The following PKNOX2 variants were observed in gnomAD, a reference collection of about 807,000 sequenced individuals.
PKNOX2 encodes PBX/knotted 1 homeobox 2.
A neutral mutation model predicts 53.1 loss-of-function variants in PKNOX2; 14 were observed. That is an observed-to-expected ratio of 0.26 (90% CI 0.17 to 0.41). The LOEUF (loss-of-function observed/expected upper bound fraction) is 0.41, where lower values mean the gene tolerates loss of function less well. Ranked by LOEUF, PKNOX2 falls within the 10% of genes least tolerant of loss-of-function variation. The pLI, the probability that PKNOX2 is intolerant of heterozygous loss-of-function variation, is 1.00. For missense variants in PKNOX2, 496 were observed against 602.8 expected, an observed-to-expected ratio of 0.82 and a Z score of 1.85; for synonymous variants, 257 against 242.8, an observed-to-expected ratio of 1.06 and a Z score of -0.54.
chr11:125,362,734 A>G (rs778970743), intron 4 of PKNOX2, among the ~76,000 whole-genome samples: 4 of 152,172 alleles, frequency 2.6e-5, no homozygotes, highest in Non-Finnish European at 4.4e-5. Flanking sequence ...TTGGAAAAAG[A>G]TGGTGCTTAA....
At chr11:125,242,653 G>C (rs1448346598) in intron 2 of PKNOX2, among the ~76,000 whole-genome samples, 1 of 152,140 alleles carries the variant, frequency 6.6e-6, no homozygotes, top group Non-Finnish European at 1.5e-5. Context: ...TGTGCAATGC[G>C]GGGCAGGGAT....
At chr11:125,340,924 C>A (rs1472527378) in intron 3 of PKNOX2, among the ~76,000 whole-genome samples, 28 of 151,792 alleles carry the variant, frequency 1.8e-4, no homozygotes. Flanking sequence ...GTGGCAGGCA[C>A]CTGTAGTCCC....
intron 12 of PKNOX2, among the ~76,000 whole-genome samples, chr11:125,430,758 G>GGA (rs1555176102): frequency 6.7e-6 from 1 of 149,518 alleles, no homozygotes; most frequent in African/African-American, 2.5e-5. Flanking sequence ...GTTATGATGG[G>GGA]AAAAAAAAAA....
rs117135987 is a variant in PKNOX2, at chr11:125,267,276, C to T, written c.-130+32161C>T. ...GCTCATGTGTGTGTTCCCGTACCCA[C>T]GTGGATCTAAGTCCTGTCCCGGGAT... On this transcript the variant is annotated intron_variant, in intron 2 of 12. Transcript: ENST00000298282. Among the ~76,000 whole-genome samples the T allele has an allele frequency of 2.5e-3, 383 of 152,294 alleles. 2 individuals carry two copies. The highest frequency in any genetic ancestry group is 7.3e-3 in the South Asian group (35 of 4,826).
In PKNOX2 at chr11:125,422,287, C is replaced by A. The variant is rs1311861553; in HGVS notation, c.937-6725C>A. On this transcript the variant is annotated intron_variant, in intron 10 of 12. Coordinates refer to ENST00000298282, the MANE Select transcript of PKNOX2 (RefSeq NM_001382323.2). The surrounding 1 kb of genome is among the most constrained non-coding windows in gnomAD (Gnocchi z 4.1). ...CTGTTCAGGCATCTGTGCCTGAAGGCCTTTAGTGTACGGCTACCAGGAGGA... is the reference window on the plus strand; with the variant it reads ...CTGTTCAGGCATCTGTGCCTGAAGGACTTTAGTGTACGGCTACCAGGAGGA... 6.6e-6 allele frequency among the ~76,000 whole-genome samples: 1 copy of A among 152,066 alleles called. No homozygotes were observed. The highest frequency in any genetic ancestry group is 2.4e-5 in the African/African-American group (1 of 41,376).
intron 4 of PKNOX2, among the ~76,000 whole-genome samples, chr11:125,359,721 G>A (rs539731959): frequency 1.6e-4 from 25 of 152,194 alleles, no homozygotes; most frequent in Middle Eastern, 3.4e-3. Context: ...TGCCGGGCCC[G>A]CCTGAAGCCT....
intron 1 of PKNOX2, among the ~76,000 whole-genome samples, chr11:125,191,716 T>G (rs1446582895): frequency 6.6e-6 from 1 of 152,112 alleles, no homozygotes; most frequent in Non-Finnish European, 1.5e-5. Context: ...GAGGGCTGGA[T>G]GAGGACATTG....
chr11:125,320,929 A>G (rs143465169), intron 2 of PKNOX2, among the ~76,000 whole-genome samples: 15 of 152,274 alleles, frequency 9.9e-5, no homozygotes, highest in South Asian at 6.2e-4. Context: ...GTAATTAGTC[A>G]TTGTGCTCTC....
At chr11:125,381,966 A>G (rs1338500227) in intron 5 of PKNOX2, among the ~76,000 whole-genome samples, 3 of 152,196 alleles carry the variant, frequency 2.0e-5, no homozygotes, top group African/African-American at 7.2e-5. Context: ...AAGCAAGGAC[A>G]GAAGCAGAGG....
intron 2 of PKNOX2, among the ~76,000 whole-genome samples, chr11:125,310,755 A>C (rs191554260): frequency 6.6e-6 from 1 of 152,032 alleles, no homozygotes; most frequent in Non-Finnish European, 1.5e-5. Context: ...CACAGACTTG[A>C]GTTTATTTAA....
intron 2 of PKNOX2, among the ~76,000 whole-genome samples, chr11:125,328,593 G>A (rs1949969888): frequency 6.6e-6 from 1 of 152,138 alleles, no homozygotes; most frequent in Non-Finnish European, 1.5e-5. Flanking sequence ...CCCGGAAAAG[G>A]CTGATGTTAG....
intron 1 of PKNOX2, among the ~76,000 whole-genome samples, chr11:125,173,744 T>C (rs1391597052): frequency 1.3e-5 from 2 of 152,204 alleles, no homozygotes; most frequent in Non-Finnish European, 2.9e-5. Flanking sequence ...AGTGTGGCCT[T>C]GGTCTGCCAG....
Position 125,165,327 on chromosome 11 carries a change from G to T in PKNOX2, c.-201+551G>T, listed in dbSNP as rs555738791. Among the ~76,000 whole-genome samples the T allele has an allele frequency of 5.3e-5, 8 of 152,222 alleles. No homozygotes were observed. In the East Asian group the frequency reaches 1.6e-3, roughly 30 times the overall value. ...CCCGAGAATAGGAACAGGCACGCCGGCCCGAGCCCGGGTGCAGAAGGCTCC... is the reference window on the plus strand; with the variant it reads ...CCCGAGAATAGGAACAGGCACGCCGTCCCGAGCCCGGGTGCAGAAGGCTCC... On this transcript the variant is annotated intron_variant, in intron 1 of 12. Coordinates refer to ENST00000298282, the MANE Select transcript of PKNOX2 (RefSeq NM_001382323.2). This position sits in a 1 kb window ranked among gnomAD's most constrained non-coding sequence, Gnocchi z 4.5.
At chr11:125,172,711 C>T (rs969043961) in intron 1 of PKNOX2, among the ~76,000 whole-genome samples, 3 of 152,206 alleles carry the variant, frequency 2.0e-5, no homozygotes, top group South Asian at 2.1e-4. Flanking sequence ...TGGATTGCTT[C>T]GTGGCTTTGT....
At chr11:125,195,274 A>C (rs758212209) in intron 1 of PKNOX2, among the ~76,000 whole-genome samples, 2 of 152,226 alleles carry the variant, frequency 1.3e-5, no homozygotes, top group Non-Finnish European at 2.9e-5. Context: ...TCTGCTTCAA[A>C]GCATCTGGTC....
chr11:125,253,550 C>T (rs1182704991), intron 2 of PKNOX2, among the ~76,000 whole-genome samples: 1 of 152,190 alleles, frequency 6.6e-6, no homozygotes, highest in Non-Finnish European at 1.5e-5. Flanking sequence ...AGAGCTAGGA[C>T]TTCCTTCCTC....
chr11:125,401,706 G>A (rs1954760238), intron 7 of PKNOX2, among the ~76,000 whole-genome samples: 1 of 152,204 alleles, frequency 6.6e-6, no homozygotes, highest in South Asian at 2.1e-4. Flanking sequence ...TTCAGTGCAG[G>A]AGGCAGGTCT....
chr11:125,251,785 A>AATATATATATATATATTATATAAAT (rs61255158), intron 2 of PKNOX2, among the ~76,000 whole-genome samples: 1 of 146,226 alleles, frequency 6.8e-6, no homozygotes, highest in Non-Finnish European at 1.5e-5. Context: ...ATATTATATA[A>AATATATATATATATATTATATAAAT]ATATATATAT....
chr11:125,411,941 G>A (rs773803157), intron 10 of PKNOX2, 76 bp downstream of exon 10: 62 of 1,594,130 alleles, frequency 3.9e-5, no homozygotes, highest in Middle Eastern at 1.7e-4. Context: ...ACCAGACTCT[G>A]CTGTCGGCTC....
Sources: gnomAD v4.1 joint callset for allele counts (sites outside exome capture counted in the v4.1 genomes callset) on GRCh38, gnomAD v4.1.1 for gene constraint, Gnocchi (gnomAD v3.1) non-coding constraint, MANE v1.5 for transcripts, NCBI Gene and HGNC (gene_info 2026-07-23, HGNC 2026-07-21) for gene names.